The following ADGRB3 variants were observed in gnomAD, a reference collection of about 807,000 sequenced individuals.
ADGRB3 encodes the protein adhesion G protein-coupled receptor B3.
In ADGRB3, 37 loss-of-function variants were observed where a neutral mutation model predicts 193.4. The observed-to-expected ratio is 0.19, with a 90% CI of 0.15 to 0.25. ADGRB3 has a LOEUF of 0.25. ADGRB3 is among the 10% of genes least tolerant of loss of function. ADGRB3 has a pLI of 1.00. For synonymous variants in ADGRB3, 690 were observed against 644.2 expected, an observed-to-expected ratio of 1.07 and a Z score of -1.08; for missense variants, 1,637 against 1,852.9, an observed-to-expected ratio of 0.88 and a Z score of 2.14.
In ADGRB3 at chr6:69,322,801, T is replaced by C. The variant is rs76439028; in HGVS notation, c.2815-2071T>C. On this transcript the variant is annotated intron_variant, in intron 20 of 31. Coordinates refer to ENST00000370598, the MANE Select transcript of ADGRB3 (RefSeq NM_001704.3). Reference sequence around the variant, plus strand: ...CATGTACACATTCCTTAAGTTGAGATAGCTTACCTCCATACTTGGAGCAAT... The same window carrying C: ...CATGTACACATTCCTTAAGTTGAGACAGCTTACCTCCATACTTGGAGCAAT... Among the ~76,000 whole-genome samples, 170 of 152,112 alleles carry C rather than the reference T, an allele frequency of 1.1e-3. 1 individual carries two copies. The highest frequency in any genetic ancestry group is 2.1e-3 in the Non-Finnish European group (140 of 67,916).
intron 17 of ADGRB3, among the ~76,000 whole-genome samples, chr6:69,108,387 G>GTT (rs11322639): frequency 9.4e-5 from 13 of 137,972 alleles, no homozygotes; most frequent in African/African-American, 1.6e-4. Context: ...CAAGCTTCTT[G>GTT]TTTTTTTTTT....
At chr6:69,081,645 T>A (rs1204825360) in intron 17 of ADGRB3, among the ~76,000 whole-genome samples, 3 of 151,996 alleles carry the variant, frequency 2.0e-5, no homozygotes, top group Admixed American at 6.6e-5. Context: ...TAATTCAGCT[T>A]TCTTCAGGTA....
At position 69,145,137 on chromosome 6, in the gene ADGRB3, C is replaced by T. The variant is rs567482844; in HGVS notation, c.2480+69099C>T. On this transcript the variant is annotated intron_variant, in intron 17 of 31. Transcript: ENST00000370598. Reference sequence around the variant, plus strand: ...TTTGCTTGCGCCCACTGGGCCCACTCAGCCTGACAAGCATACTCGGCTTGC... The same window carrying T: ...TTTGCTTGCGCCCACTGGGCCCACTTAGCCTGACAAGCATACTCGGCTTGC... 3.3e-5 allele frequency among the ~76,000 whole-genome samples: 5 copies of T among 152,284 alleles called. No homozygotes were observed. The East Asian group carries it at 9.7e-4, about 29-fold the overall frequency.
intron 17 of ADGRB3, among the ~76,000 whole-genome samples, chr6:69,116,692 C>G (rs1364417890): frequency 6.6e-6 from 1 of 152,172 alleles, no homozygotes; most frequent in Non-Finnish European, 1.5e-5. Flanking sequence ...GCTTTGCCTT[C>G]TTTAAAGTTA....
At chr6:69,274,299 C>T (rs1235046692) in intron 20 of ADGRB3, among the ~76,000 whole-genome samples, 2 of 152,170 alleles carry the variant, frequency 1.3e-5, no homozygotes, top group Non-Finnish European at 2.9e-5. Context: ...CCCTTCAATC[C>T]TCAGGTCACA....
intron 16 of ADGRB3, among the ~76,000 whole-genome samples, chr6:69,073,924 T>C (rs1772152332): frequency 6.6e-6 from 1 of 152,168 alleles, no homozygotes; most frequent in African/African-American, 2.4e-5. Flanking sequence ...TTCAATCAGG[T>C]TCTGTGTTTT....
intron 3 of ADGRB3, among the ~76,000 whole-genome samples, chr6:68,653,668 G>A (rs118191262): frequency 0.012 from 1,853 of 151,966 alleles, 21 homozygotes; most frequent in Non-Finnish European, 0.018. Context: ...AAAGATACTC[G>A]AGTTTTTCTT....
chr6:69,276,602 C>T (rs968776736), intron 20 of ADGRB3, among the ~76,000 whole-genome samples: 1 of 151,780 alleles, frequency 6.6e-6, no homozygotes. Context: ...ACCTTTTTTT[C>T]CCCCGGGCTC....
At chr6:68,838,929 T>C (rs576345964) in intron 3 of ADGRB3, among the ~76,000 whole-genome samples, 1 of 152,218 alleles carries the variant, frequency 6.6e-6, no homozygotes, top group African/African-American at 2.4e-5. Flanking sequence ...AACACTAAAC[T>C]AATAGTGAAG....
At chr6:69,025,133 ATATT>A (rs1460810992) in intron 13 of ADGRB3, among the ~76,000 whole-genome samples, 1 of 151,938 alleles carries the variant, frequency 6.6e-6, no homozygotes, top group African/African-American at 2.4e-5. Flanking sequence ...AATAAAATAA[ATATT>A]AAGTTTGTCA....
intron 3 of ADGRB3, among the ~76,000 whole-genome samples, chr6:68,920,916 G>A (rs1221936833): frequency 6.6e-6 from 1 of 152,134 alleles, no homozygotes; most frequent in Non-Finnish European, 1.5e-5. Context: ...CCAAATTATT[G>A]TCTTGGTTGG....
intron 17 of ADGRB3, among the ~76,000 whole-genome samples, chr6:69,123,627 A>G (rs1263360702): frequency 1.3e-5 from 2 of 152,200 alleles, no homozygotes; most frequent in Non-Finnish European, 2.9e-5. Context: ...GGGTGATAAG[A>G]ATAAGGCAAT....
chr6:69,007,320 G>A (rs1769788375), intron 11 of ADGRB3, among the ~76,000 whole-genome samples: 1 of 151,982 alleles, frequency 6.6e-6, no homozygotes, highest in Admixed American at 6.6e-5. Flanking sequence ...TCCACTCAGT[G>A]GCCAAAACTA....
At chr6:69,247,631 A>T (rs947089790) in intron 20 of ADGRB3, among the ~76,000 whole-genome samples, 6 of 152,192 alleles carry the variant, frequency 3.9e-5, no homozygotes, top group African/African-American at 1.4e-4. Context: ...TGTTAGCACC[A>T]ATCACCTTAT....
Position 68,688,579 on chromosome 6 carries a change from A to C in ADGRB3, c.757+49147A>C, listed in dbSNP as rs535101781. 6.4e-4 allele frequency among the ~76,000 whole-genome samples: 97 copies of C among 152,318 alleles called. 1 individual carries two copies. Among genetic ancestry groups the C allele is most frequent in the Admixed American group, 2.9e-3 (45 of 15,298 alleles). On this transcript the variant is annotated intron_variant, in intron 3 of 31. Transcript: ENST00000370598. ...TTTAGCCACTCAGTAGGAGGGGAGA[A>C]TGTAACAGGGATAACGTTTTCTTGG... is the stretch of plus-strand genomic sequence containing the variant.
In ADGRB3 at chr6:68,750,580, T is replaced by G. The variant is rs527861990; in HGVS notation, c.757+111148T>G. ...ATTTTATTTTTGCCTACAACTTTGT[T>G]AGTAAATATTTTTTCTTTTTCTGCC... On this transcript the variant is annotated intron_variant, in intron 3 of 31. Coordinates refer to ENST00000370598, the MANE Select transcript of ADGRB3 (RefSeq NM_001704.3). 1.4e-4 allele frequency among the ~76,000 whole-genome samples: 21 copies of G among 152,374 alleles called. 1 individual carries two copies. In the South Asian group the frequency reaches 4.3e-3, roughly 32 times the overall value.
intron 17 of ADGRB3, among the ~76,000 whole-genome samples, chr6:69,162,182 C>G (rs1376014192): frequency 1.3e-5 from 2 of 152,010 alleles, no homozygotes; most frequent in Non-Finnish European, 2.9e-5. Flanking sequence ...TGGACTGGTA[C>G]TGAAAATCAA....
chr6:69,280,641 G>A (rs79196634), intron 20 of ADGRB3, among the ~76,000 whole-genome samples: 13,314 of 152,202 alleles, frequency 0.087, 669 homozygotes, highest in Middle Eastern at 0.22. Context: ...TACAAACATA[G>A]CAAGTGCCAT....
intron 3 of ADGRB3, among the ~76,000 whole-genome samples, chr6:68,859,404 CT>C (rs1765085280): frequency 6.6e-6 from 1 of 152,308 alleles, no homozygotes; most frequent in East Asian, 1.9e-4. Context: ...TTTTGGGTAT[CT>C]TTTCAGCAAC....
Sources: gnomAD v4.1 joint callset for allele counts (sites outside exome capture counted in the v4.1 genomes callset) on GRCh38, gnomAD v4.1.1 for gene constraint, MANE v1.5 for transcripts, NCBI Gene and HGNC (gene_info 2026-07-23, HGNC 2026-07-21) for gene names.